Variants in GRID1 observed in about 807,000 individuals in gnomAD.
The protein encoded by GRID1 is glutamate ionotropic receptor delta type subunit 1.
A neutral mutation model predicts 98.0 loss-of-function variants in GRID1; 28 were observed. The observed-to-expected ratio is 0.29, with a 90% CI of 0.21 to 0.39. The LOEUF (loss-of-function observed/expected upper bound fraction) is 0.39, where lower values mean the gene tolerates loss of function less well. Ranked by LOEUF, GRID1 falls within the 10% of genes least tolerant of loss-of-function variation. The probability of loss-of-function intolerance (pLI) is 1.00; values close to 1 mark genes in which losing one functional copy is unlikely to be tolerated. For synonymous variants in GRID1, 553 were observed against 538.5 expected, an observed-to-expected ratio of 1.03 and a Z score of -0.37; for missense variants, 1,111 against 1,340.5, an observed-to-expected ratio of 0.83 and a Z score of 2.67.
intron 2 of GRID1, among the ~76,000 whole-genome samples, chr10:86,268,520 C>T (rs1230332685): frequency 3.9e-5 from 6 of 152,172 alleles, no homozygotes; most frequent in Non-Finnish European, 8.8e-5. Flanking sequence ...CCATGCAAGG[C>T]GTGAGAGAAC....
chr10:86,346,562 C>G (rs750617292), intron 2 of GRID1, among the ~76,000 whole-genome samples: 2 of 152,216 alleles, frequency 1.3e-5, no homozygotes, highest in Non-Finnish European at 2.9e-5. Context: ...CCTAGCTTTG[C>G]CTCACAGTGC....
chr10:85,809,227 C>T (rs1842647966), intron 8 of GRID1, among the ~76,000 whole-genome samples: 1 of 151,938 alleles, frequency 6.6e-6, no homozygotes, highest in African/African-American at 2.4e-5. Flanking sequence ...AAAAACAGAG[C>T]ATAAAAGATA....
At chr10:86,266,263 C>T (rs1353029284) in intron 2 of GRID1, among the ~76,000 whole-genome samples, 1 of 152,100 alleles carries the variant, frequency 6.6e-6, no homozygotes, top group East Asian at 1.9e-4. Flanking sequence ...CTGCCACCAA[C>T]CCCCAATGCA....
intron 6 of GRID1, among the ~76,000 whole-genome samples, chr10:85,856,647 A>G (rs1843112831): frequency 6.6e-6 from 1 of 152,236 alleles, no homozygotes; most frequent in Non-Finnish European, 1.5e-5. Flanking sequence ...GGACCAGCTC[A>G]TAAAGATTTT....
In GRID1 at chr10:85,869,024, G is replaced by C; in HGVS notation, c.937C>G (p.Leu313Val). ...SLLCDPQEGYLQMLQISNLYL... is the reference protein window; with the variant it reads ...SLLCDPQEGYVQMLQISNLYL... The stretch of plus-strand genomic sequence containing the variant: ...TGAGCACTGACCTGCAGCATCTGGA[G>C]GTAGCCTTCCTGGGGGTCGCAGAGC... The change falls in exon 6 of 16, where the codon CTC becomes GTC. Residue 313 changes from leucine to valine, a missense_variant. Leu to Val is a conservative substitution (Grantham distance 32, BLOSUM62 1). Around this residue, in one of 3 missense-constraint regions of GRID1, gnomAD observed 346 missense variants for 452.3 expected, o/e 0.76. Transcript: ENST00000327946. The C allele has an allele frequency of 1.2e-6, 2 of 1,613,770 alleles. No individual in the cohort carries two copies. Among genetic ancestry groups the C allele is most frequent in the Non-Finnish European group, 1.7e-6 (2 of 1,179,862 alleles).
At chr10:86,199,584 C>G (rs1845919984) in intron 3 of GRID1, among the ~76,000 whole-genome samples, 1 of 152,104 alleles carries the variant, frequency 6.6e-6, no homozygotes. Context: ...AGTACAGAAC[C>G]CACCATGTGG....
chr10:85,967,801 G>A (rs796074279), intron 4 of GRID1, among the ~76,000 whole-genome samples: 22 of 152,284 alleles, frequency 1.4e-4, no homozygotes, highest in Admixed American at 5.9e-4. Context: ...TCACTGATGA[G>A]GAATAAGATT....
At chr10:86,114,105 G>A (rs1844534758) in intron 4 of GRID1, among the ~76,000 whole-genome samples, 1 of 152,008 alleles carries the variant, frequency 6.6e-6, no homozygotes, top group Non-Finnish European at 1.5e-5. Context: ...GAAGGAGGGT[G>A]GGGCCTCATT....
chr10:86,033,964 T>C (rs1843220992), intron 4 of GRID1, among the ~76,000 whole-genome samples: 1 of 152,328 alleles, frequency 6.6e-6, no homozygotes, highest in Non-Finnish European at 1.5e-5. Context: ...AAACTGAGGA[T>C]TCTGTGTCTA....
chr10:85,776,014 G>GA (rs901223256), intron 8 of GRID1, among the ~76,000 whole-genome samples: 39 of 147,714 alleles, frequency 2.6e-4, no homozygotes, highest in East Asian at 7.8e-4. Context: ...ACTGAGATCA[G>GA]AAAAAAAAAA....
intron 4 of GRID1, among the ~76,000 whole-genome samples, chr10:85,951,294 A>G (rs766103739): frequency 1.3e-5 from 2 of 152,172 alleles, no homozygotes; most frequent in African/African-American, 4.8e-5. Flanking sequence ...ATGTGATGGG[A>G]TGGAATCAGA....
At chr10:85,823,682 C>T (rs1373780348) in intron 8 of GRID1, among the ~76,000 whole-genome samples, 3 of 151,746 alleles carry the variant, frequency 2.0e-5, no homozygotes, top group Non-Finnish European at 4.4e-5. Context: ...AAAACTATAT[C>T]TAAATACAGT....
In GRID1 at chr10:86,057,047, C is replaced by T. The variant is rs144624734; in HGVS notation, c.726+81772G>A. ...ATAAAGGGCTGCTGTCCCTGGGACT[C>T]AGGCTGCATTCCAACTAACAAGACA... On this transcript the variant is annotated intron_variant, in intron 4 of 15. Transcript: ENST00000327946. 8.3e-3 allele frequency among the ~76,000 whole-genome samples: 1,257 copies of T among 152,308 alleles called. 17 individuals are homozygous for T. The highest frequency in any genetic ancestry group is 0.029 in the African/African-American group (1,198 of 41,562).
chr10:85,804,108 C>A (rs1180962098), intron 8 of GRID1, among the ~76,000 whole-genome samples: 3 of 145,780 alleles, frequency 2.1e-5, no homozygotes, highest in African/African-American at 5.1e-5. Flanking sequence ...TTGACAGTAA[C>A]AATAAAAATT....
intron 2 of GRID1, among the ~76,000 whole-genome samples, chr10:86,354,689 G>C (rs576052771): frequency 8.0e-4 from 122 of 152,346 alleles, no homozygotes; most frequent in African/African-American, 2.9e-3. Context: ...CCACCAAATA[G>C]AGCAAGGTAG....
At chr10:85,643,259 CT>C (rs972922341) in intron 13 of GRID1, among the ~76,000 whole-genome samples, 9 of 152,172 alleles carry the variant, frequency 5.9e-5, no homozygotes, top group Non-Finnish European at 1.0e-4. Flanking sequence ...CCTCGGTGGG[CT>C]TCTCCTCACC....
chr10:85,780,335 AC>A (rs1842370153), intron 8 of GRID1, among the ~76,000 whole-genome samples: 5 of 152,118 alleles, frequency 3.3e-5, no homozygotes, highest in Admixed American at 3.3e-4. Context: ...CACATCCCCC[AC>A]AGATTTACAA....
At chr10:86,288,525 G>C in intron 2 of GRID1, among the ~76,000 whole-genome samples, 1 of 152,176 alleles carries the variant, frequency 6.6e-6, no homozygotes, top group East Asian at 1.9e-4. Context: ...AGTTGACTCA[G>C]AAACCAGAAA....
At chr10:86,125,025 C>A (rs1240058330) in intron 4 of GRID1, among the ~76,000 whole-genome samples, 1 of 152,212 alleles carries the variant, frequency 6.6e-6, no homozygotes, top group Non-Finnish European at 1.5e-5. Flanking sequence ...TCCCTCCCTG[C>A]AAGTGAGACA....
Sources: allele counts gnomAD v4.1 joint callset (sites outside exome capture counted in the v4.1 genomes callset), GRCh38; gene constraint gnomAD v4.1.1; regional missense constraint gnomAD v4.1.1; transcripts MANE v1.5; gene names NCBI Gene and HGNC (gene_info 2026-07-23, HGNC 2026-07-21).